SLC35A1: variants seen among roughly 807,000 people sequenced by gnomAD.
SLC35A1 encodes solute carrier family 35 member A1.
Under a neutral mutation model 40.3 loss-of-function variants are expected in SLC35A1, and 21 were observed. The observed-to-expected ratio is 0.52, with a 90% CI of 0.37 to 0.75. SLC35A1 has a LOEUF of 0.75. SLC35A1 is among the 30% of genes least tolerant of loss of function. SLC35A1 has a pLI of 0.00. For synonymous variants in SLC35A1, 146 were observed against 147.3 expected, an observed-to-expected ratio of 0.99 and a Z score of 0.06; for missense variants, 297 against 382.1, an observed-to-expected ratio of 0.78 and a Z score of 1.86.
intron 4 of SLC35A1, among the ~76,000 whole-genome samples, chr6:87,505,720 C>A (rs1045384737): frequency 6.6e-6 from 1 of 152,172 alleles, no homozygotes. Flanking sequence ...TTATCAGAAA[C>A]CTGCTCCCTC....
At chr6:87,510,348 A>AGC (rs1386833449) in intron 7 of SLC35A1, among the ~76,000 whole-genome samples, 1 of 152,188 alleles carries the variant, frequency 6.6e-6, no homozygotes, top group Non-Finnish European at 1.5e-5. Context: ...AATATATAGG[A>AGC]ACAGTAGAAA....
At chr6:87,489,558 T>TG (rs1769484056) in intron 2 of SLC35A1, among the ~76,000 whole-genome samples, 1 of 132,988 alleles carries the variant, frequency 7.5e-6, no homozygotes, top group Admixed American at 7.6e-5. Flanking sequence ...TTTTTTTTTT[T>TG]GTAGATGGAG....
chr6:87,484,940 A>G (rs1391202919), intron 2 of SLC35A1, among the ~76,000 whole-genome samples: 1 of 152,234 alleles, frequency 6.6e-6, no homozygotes. Context: ...GGAGCAGCAA[A>G]TCAAAGGGCC....
rs1770287424 is a variant in SLC35A1 at position 87,511,844 on chromosome 6, A to G, written c.*318A>G. On this transcript the variant is annotated 3_prime_UTR_variant, in exon 8 of 8. Transcript: ENST00000369552. Reference sequence around the variant, plus strand: ...AATCATGGTAAGGCTACAATACTCAAGTAACAAGGTTTGGGACAATGTCTA... The same window carrying G: ...AATCATGGTAAGGCTACAATACTCAGGTAACAAGGTTTGGGACAATGTCTA... The G allele has an allele frequency of 2.8e-6, 1 of 362,986 alleles. No homozygotes were observed. Among genetic ancestry groups the G allele is most frequent in the Non-Finnish European group, 5.3e-6 (1 of 189,300 alleles). 22.5% of individuals were successfully genotyped at this position (362,986 alleles called of 1,614,324 possible).
Position 87,509,193 on chromosome 6 carries a change from T to C in SLC35A1, c.886+18T>C, listed in dbSNP as rs1770179790. 9.9e-6 allele frequency: 16 copies of C among 1,614,004 alleles called. No homozygotes were observed. In the Middle Eastern group the frequency reaches 6.6e-4, roughly 67 times the overall value. On this transcript the variant is annotated intron_variant, in intron 7 of 7. Coordinates refer to ENST00000369552, the MANE Select transcript of SLC35A1 (RefSeq NM_006416.5). Reference sequence around the variant, plus strand: ...ACAGATAAGTATGTCTTAGTTTGTGTTGAGTTTTTAACATGGAAGAGCCTC... The same window carrying C: ...ACAGATAAGTATGTCTTAGTTTGTGCTGAGTTTTTAACATGGAAGAGCCTC...
chr6:87,482,155 TA>T (rs1340594665), intron 2 of SLC35A1, among the ~76,000 whole-genome samples: 1 of 152,198 alleles, frequency 6.6e-6, no homozygotes, highest in Non-Finnish European at 1.5e-5. Flanking sequence ...TGACTTCCTG[TA>T]AACATCGCTT....
In SLC35A1 at chr6:87,508,988, T is replaced by C. The variant is rs567637235; in HGVS notation, c.752-53T>C. 4.5e-5 allele frequency: 71 copies of C among 1,594,090 alleles called. No homozygotes were observed. In the South Asian group the frequency reaches 6.7e-4, roughly 15 times the overall value. On this transcript the variant is annotated intron_variant, in intron 6 of 7. Transcript: ENST00000369552. The stretch of plus-strand genomic sequence containing the variant: ...GGGGATGAAAATTGCCTCACCATTA[T>C]GTAATGTTTCATTTATTTGAGTGAT...
intron 4 of SLC35A1, 32 bp downstream of exon 4, chr6:87,501,342 A>G (rs768715397): frequency 1.2e-6 from 2 of 1,601,806 alleles, no homozygotes; most frequent in Admixed American, 1.7e-5. Flanking sequence ...ATAACTTCCC[A>G]TAAATAGAAA....
At position 87,473,940 on chromosome 6, in the gene SLC35A1, T is replaced by G. The variant is rs143624736; in HGVS notation, c.16+921T>G. ...GTGGGTTTCAAGTTATTTTCCCTGT[T>G]GCGGGGTCCATGTTTCTCATCAGGC... On this transcript the variant is annotated intron_variant, in intron 1 of 7. Coordinates refer to ENST00000369552, the MANE Select transcript of SLC35A1 (RefSeq NM_006416.5). 5.2e-3 allele frequency among the ~76,000 whole-genome samples: 791 copies of G among 152,378 alleles called. 22 individuals are homozygous for G. Among genetic ancestry groups the G allele is most frequent in the Admixed American group, 0.047 (724 of 15,310 alleles).
At chr6:87,486,473 C>T (rs151262466) in intron 2 of SLC35A1, among the ~76,000 whole-genome samples, 1 of 152,102 alleles carries the variant, frequency 6.6e-6, no homozygotes, top group Admixed American at 6.5e-5. Context: ...CAATTATATA[C>T]TCAACACTAT....
intron 4 of SLC35A1, among the ~76,000 whole-genome samples, chr6:87,506,084 C>A (rs1562026816): frequency 6.6e-6 from 1 of 152,102 alleles, no homozygotes; most frequent in Non-Finnish European, 1.5e-5. Context: ...GCTGACTTGG[C>A]CTGTTCAAAA....
At chr6:87,479,072 G>C (rs1486859784) in intron 2 of SLC35A1, among the ~76,000 whole-genome samples, 2 of 152,168 alleles carry the variant, frequency 1.3e-5, no homozygotes, top group African/African-American at 4.8e-5. Flanking sequence ...AGGGTGGAGA[G>C]GGTAATCAGA....
At chr6:87,494,745 A>T (rs1431092912) in intron 2 of SLC35A1, among the ~76,000 whole-genome samples, 1 of 152,180 alleles carries the variant, frequency 6.6e-6, no homozygotes, top group East Asian at 1.9e-4. Flanking sequence ...ATTTTAAGTT[A>T]TCAATTTCTA....
intron 2 of SLC35A1, among the ~76,000 whole-genome samples, chr6:87,493,195 A>T (rs533459064): frequency 4.6e-5 from 7 of 152,180 alleles, no homozygotes; most frequent in African/African-American, 1.7e-4. Flanking sequence ...GATGCTCAAA[A>T]TGTCCCAGAT....
intron 2 of SLC35A1, among the ~76,000 whole-genome samples, chr6:87,481,541 G>C (rs1769244536): frequency 6.6e-6 from 1 of 151,962 alleles, no homozygotes; most frequent in Non-Finnish European, 1.5e-5. Flanking sequence ...TTAGACCAAA[G>C]AAAGCCAAAC....
chr6:87,495,705 G>A (rs918603308), intron 2 of SLC35A1, among the ~76,000 whole-genome samples: 14 of 151,610 alleles, frequency 9.2e-5, no homozygotes, highest in Non-Finnish European at 1.9e-4. Flanking sequence ...GCCCAGGCTG[G>A]AGTGCAGTGG....
chr6:87,506,227 T>G (rs937865430), intron 4 of SLC35A1, among the ~76,000 whole-genome samples, 155 bp from the exon 5 acceptor site: 3 of 152,218 alleles, frequency 2.0e-5, no homozygotes, highest in South Asian at 2.1e-4. Flanking sequence ...GGAATGGTCT[T>G]TTTGTTTAGT....
At position 87,511,505 on chromosome 6, in the gene SLC35A1, GGA is replaced by G. The variant is rs776417709; in HGVS notation, c.999_1000del (p.Arg333SerfsTer23). On this transcript the variant is annotated frameshift_variant, in exon 8 of 8. Coordinates refer to ENST00000369552, the MANE Select transcript of SLC35A1 (RefSeq NM_006416.5). LOFTEE classifies it high-confidence loss of function. ...SIQQGETASKERVIGV is the reference protein window; with the variant it reads ...SIQQGETASKXRVIGV ...TCCAACAAGGAGAAACAGCTTCAAA[GGA>G]GAGAGTTATTGGTGTGTGATTTTAG... is the stretch of plus-strand genomic sequence containing the variant. The G allele has an allele frequency of 2.9e-5, 47 of 1,613,900 alleles. No individual in the cohort carries two copies. In the African/African-American group the frequency reaches 6.0e-4, roughly 21 times the overall value.
At chr6:87,506,269 G>A (rs958327412) in intron 4 of SLC35A1, 113 bp from the exon 5 acceptor site, 8 of 827,314 alleles carry the variant, frequency 9.7e-6, no homozygotes, top group African/African-American at 1.7e-5. Flanking sequence ...TGTGTCTGAT[G>A]TGGAATATAC....
Sources: allele counts gnomAD v4.1 joint callset (sites outside exome capture counted in the v4.1 genomes callset), GRCh38; gene constraint gnomAD v4.1.1; transcripts MANE v1.5; gene names NCBI Gene and HGNC (gene_info 2026-07-23, HGNC 2026-07-21).